NDEL1: variants seen among roughly 807,000 people sequenced by gnomAD.
The protein encoded by NDEL1 is nuclear distribution protein nudE-like 1.
In NDEL1, 9 loss-of-function variants were observed where a neutral mutation model predicts 45.7. The observed-to-expected ratio is 0.20, with a 90% CI of 0.12 to 0.34. The LOEUF (loss-of-function observed/expected upper bound fraction) is 0.34, where lower values mean the gene tolerates loss of function less well. NDEL1 is among the 10% of genes least tolerant of loss of function. The probability of loss-of-function intolerance (pLI) is 1.00; values close to 1 mark genes in which losing one functional copy is unlikely to be tolerated. For synonymous variants in NDEL1, 133 were observed against 158.6 expected (o/e 0.84, Z 1.21); for missense variants, 306 against 406.2 (o/e 0.75, Z 2.12).
intron 1 of NDEL1, among the ~76,000 whole-genome samples, chr17:8,440,904 G>A (rs543295117): frequency 1.3e-5 from 2 of 152,354 alleles, no homozygotes; most frequent in Non-Finnish European, 2.9e-5. Context: ...ATGTTTTGAA[G>A]TGGACTCCTG....
chr17:8,441,038 A>G (rs1297191563), intron 1 of NDEL1, among the ~76,000 whole-genome samples: 1 of 152,222 alleles, frequency 6.6e-6, no homozygotes, highest in Non-Finnish European at 1.5e-5. Context: ...AGGAACTTCC[A>G]TAATGATACC....
At chr17:8,413,574 T>C (rs1908473648) in intron 1 of NDEL1, among the ~76,000 whole-genome samples, 1 of 152,214 alleles carries the variant, frequency 6.6e-6, no homozygotes, top group African/African-American at 2.4e-5. Context: ...AGCATTTTTC[T>C]GGGTTGCAGA....
At chr17:8,471,800 G>A (rs1300611801), downstream of NDEL1, among the ~76,000 whole-genome samples, 2 of 152,326 alleles carry the variant, frequency 1.3e-5, no homozygotes, top group Middle Eastern at 3.4e-3. Context: ...GGTGCCTACA[G>A]AAGGAAGTGG....
At chr17:8,455,872 C>T (rs1347106740) in intron 7 of NDEL1, among the ~76,000 whole-genome samples, 2 of 152,164 alleles carry the variant, frequency 1.3e-5, no homozygotes, top group African/African-American at 4.8e-5. Flanking sequence ...ATCTCTTACT[C>T]TGTCACTGTT....
chr17:8,419,340 C>T (rs1908646983), intron 1 of NDEL1, among the ~76,000 whole-genome samples: 1 of 152,150 alleles, frequency 6.6e-6, no homozygotes, highest in Admixed American at 6.5e-5. Flanking sequence ...GAGATAACCA[C>T]CACTTATAAA....
chr17:8,465,980 C>T lies in NDEL1; in HGVS notation c.945-950C>T, dbSNP rs371352792. On this transcript the variant is annotated intron_variant, in intron 8 of 8. Transcript: ENST00000334527. This position sits in a 1 kb window ranked among gnomAD's most constrained non-coding sequence, Gnocchi z 4.9. Reference sequence around the variant, plus strand: ...GGGGACGCTGGGGGGCTCCCTGTGTCGCTGGGCTCCGGGTGCTGGGTCCTG... The same window carrying T: ...GGGGACGCTGGGGGGCTCCCTGTGTTGCTGGGCTCCGGGTGCTGGGTCCTG... 71 of 153,646 alleles carry T rather than the reference C, an allele frequency of 4.6e-4. 1 individual carries two copies. The East Asian group carries it at 0.012, about 26-fold the overall frequency. The allele number at this position is 153,646 out of a possible 1,614,324, so 9.5% of individuals were successfully genotyped here. A position where few individuals can be genotyped will look rare whatever the true frequency, so the allele number is the denominator to read the frequency against.
chr17:8,444,931 C>A (rs1567731128), intron 2 of NDEL1: 1 of 152,168 alleles, frequency 6.6e-6, no homozygotes, highest in Non-Finnish European at 1.5e-5. Flanking sequence ...AATATTGATA[C>A]ATTTTCCTAT....
intron 1 of NDEL1, among the ~76,000 whole-genome samples, chr17:8,423,672 A>C (rs1009301784): frequency 5.3e-5 from 8 of 152,198 alleles, no homozygotes; most frequent in African/African-American, 1.9e-4. Flanking sequence ...TGACAGAGCA[A>C]GACTCTGTCT....
chr17:8,434,994 T>C (rs2151702285), upstream of NDEL1, among the ~76,000 whole-genome samples: 1 of 151,986 alleles, frequency 6.6e-6, no homozygotes, highest in Middle Eastern at 3.4e-3. Flanking sequence ...TGCTTAAACC[T>C]GGGAGGCGGA....
In NDEL1 at chr17:8,445,750, A is replaced by C; in HGVS notation, c.126A>C (p.Glu42Asp). The change falls in exon 3 of 9, where the codon GAA becomes GAC. Residue 42 changes from glutamate to aspartate, a missense_variant. By Grantham distance (45) the Glu-to-Asp change is conservative. This residue lies in a region of NDEL1 where 112 missense variants were observed against 148.3 expected (regional missense o/e 0.76). Transcript: ENST00000334527. ...EARDELVEFQ[E>D]GSRELEAELE... Reference sequence around the variant, plus strand: ...GGGATGAGCTAGTTGAATTCCAGGAAGGAAGCAGAGAATTAGAAGCAGAGT... The same window carrying C: ...GGGATGAGCTAGTTGAATTCCAGGACGGAAGCAGAGAATTAGAAGCAGAGT... 1.2e-6 allele frequency: 2 copies of C among 1,600,728 alleles called. No individual in the cohort carries two copies. Among genetic ancestry groups the C allele is most frequent in the Non-Finnish European group, 1.7e-6 (2 of 1,175,400 alleles).
downstream of NDEL1, among the ~76,000 whole-genome samples, chr17:8,471,202 G>A (rs1485817566): frequency 6.6e-6 from 1 of 152,222 alleles, no homozygotes; most frequent in East Asian, 1.9e-4. Flanking sequence ...CCAGGCTGGA[G>A]TGCAATGGCG....
At position 8,435,940 on chromosome 17, in the gene NDEL1, G is replaced by A. The variant is rs1262416719; in HGVS notation, c.-118G>A. 1 of 449,340 alleles carries A rather than the reference G, an allele frequency of 2.2e-6. No individual in the cohort carries two copies. Among genetic ancestry groups the A allele is most frequent in the Non-Finnish European group, 4.5e-6 (1 of 223,796 alleles). 27.8% of individuals were successfully genotyped at this position (449,340 alleles called of 1,614,324 possible). ...CGGAGGTACGCTGAGTGGAGCTCGG[G>A]GCTGCGTAGGGGAGCTGAGCCGAGC... is the stretch of plus-strand genomic sequence containing the variant. On this transcript the variant is annotated 5_prime_UTR_variant, in exon 1 of 9. Coordinates refer to ENST00000334527, the MANE Select transcript of NDEL1 (RefSeq NM_030808.5).
At chr17:8,462,673 AG>A (rs1911287157) in intron 8 of NDEL1, 1 of 152,226 alleles carries the variant, frequency 6.6e-6, no homozygotes, top group African/African-American at 2.4e-5. Context: ...CATTTGAAAA[AG>A]CCCTCCACTG....
At chr17:8,428,714 C>T (rs1908920510) in intron 1 of NDEL1, among the ~76,000 whole-genome samples, 1 of 151,072 alleles carries the variant, frequency 6.6e-6, no homozygotes, top group African/African-American at 2.4e-5. Context: ...GTCTCTTTCA[C>T]CCAGGCCAGA....
chr17:8,455,342 A>G (rs1054364050), intron 7 of NDEL1, among the ~76,000 whole-genome samples: 1 of 152,152 alleles, frequency 6.6e-6, no homozygotes, highest in African/African-American at 2.4e-5. Context: ...CCTCAACTTC[A>G]GTGCCTTCTC....
In NDEL1 at chr17:8,454,229, CATCCAGA is replaced by C. The variant is rs551475813; in HGVS notation, c.701-564_701-558del. Among the ~76,000 whole-genome samples the C allele has an allele frequency of 4.5e-3, 673 of 150,438 alleles. 2 individuals are homozygous for C. The highest frequency in any genetic ancestry group is 0.016 in the African/African-American group (639 of 40,906). On this transcript the variant is annotated intron_variant, in intron 6 of 8. Coordinates refer to ENST00000334527, the MANE Select transcript of NDEL1 (RefSeq NM_030808.5). ...GAACATCTATAAGAGAAAGGGTGAACATCCAGAATGTATAGAGTTCTTACAAATTGAT... is the reference window on the plus strand; with the variant it reads ...GAACATCTATAAGAGAAAGGGTGAACATGTATAGAGTTCTTACAAATTGAT...
intron 1 of NDEL1, among the ~76,000 whole-genome samples, chr17:8,426,925 T>C (rs1332866681): frequency 1.3e-5 from 2 of 152,106 alleles, no homozygotes; most frequent in African/African-American, 2.4e-5. Context: ...CAACCTAAAC[T>C]GTTCTCATTT....
chr17:8,474,003 C>G (rs973663987), intron 3 of NDEL1, among the ~76,000 whole-genome samples: 3 of 152,206 alleles, frequency 2.0e-5, no homozygotes, highest in African/African-American at 7.2e-5. Flanking sequence ...CTTTCCCTTC[C>G]TAGTGCGTGT....
At chr17:8,415,305 A>G (rs898775965) in intron 1 of NDEL1, among the ~76,000 whole-genome samples, 5 of 151,494 alleles carry the variant, frequency 3.3e-5, no homozygotes, top group African/African-American at 1.2e-4. Flanking sequence ...CAGCCTGCCA[A>G]GTAGCTGGGG....
Sources: gnomAD v4.1 joint callset for allele counts (sites outside exome capture counted in the v4.1 genomes callset) on GRCh38, gnomAD v4.1.1 for gene constraint, gnomAD v4.1.1 regional missense constraint, Gnocchi (gnomAD v3.1) non-coding constraint, MANE v1.5 for transcripts, NCBI Gene and HGNC (gene_info 2026-07-23, HGNC 2026-07-21) for gene names.